Variants in FAM186A observed in about 807,000 individuals in gnomAD.
FAM186A encodes family with sequence similarity 186 member A, also known as protein FAM186A.
A neutral mutation model predicts 216.8 loss-of-function variants in FAM186A; 163 were observed. The ratio of observed to expected loss-of-function variants is 0.75; its 90% CI spans 0.66 to 0.86. The LOEUF is 0.86. FAM186A is among the 40% of genes least tolerant of loss of function. The probability of loss-of-function intolerance (pLI) is 0.00; values close to 1 mark genes in which losing one functional copy is unlikely to be tolerated. For synonymous variants in FAM186A, 805 were observed against 1,025.3 expected, an observed-to-expected ratio of 0.79 and a Z score of 4.10; for missense variants, 2,184 against 2,746.2, an observed-to-expected ratio of 0.80 and a Z score of 4.58.
intron 1 of FAM186A, among the ~76,000 whole-genome samples, chr12:50,385,628 T>G (rs1398807169): frequency 6.6e-6 from 1 of 151,994 alleles, no homozygotes. Flanking sequence ...TTGCCGGGCG[T>G]GGTGGCTCAA....
At chr12:50,357,611 G>A (rs1418657376) in intron 3 of FAM186A, among the ~76,000 whole-genome samples, 1 of 152,046 alleles carries the variant, frequency 6.6e-6, no homozygotes, top group Non-Finnish European at 1.5e-5. Context: ...GGGCAAAACT[G>A]CCAAAACAAC....
rs1298494351 is a variant in FAM186A, at chr12:50,334,058, T to C, written c.6549A>G (p.Lys2183=). 3 of 1,549,542 alleles carry C rather than the reference T, an allele frequency of 1.9e-6. No homozygotes were observed. Among genetic ancestry groups the C allele is most frequent in the African/African-American group, 2.7e-5 (2 of 72,938 alleles). The change falls in exon 5 of 8, where the codon AAA becomes AAG. Residue 2183 remains lysine, a synonymous_variant. Transcript: ENST00000327337. ...TGTGGAGGTTCCTGGCCTCATAGCC[T>C]TTCCCAGTATTTTGGATGGCTTTTA... ...KRLKAIQNTG[K]GYEARNLHMM... is the part of the protein sequence containing the mutation.
chr12:50,379,889 G>A (rs1017982085), intron 1 of FAM186A, among the ~76,000 whole-genome samples: 1 of 152,112 alleles, frequency 6.6e-6, no homozygotes, highest in African/African-American at 2.4e-5. Context: ...ACTCATTTGT[G>A]CAAAATAAAT....
At chr12:50,380,037 C>G (rs991107206) in intron 1 of FAM186A, among the ~76,000 whole-genome samples, 1 of 152,124 alleles carries the variant, frequency 6.6e-6, no homozygotes, top group Non-Finnish European at 1.5e-5. Flanking sequence ...GTAGCTCTGA[C>G]TTTTATCAGC....
Position 50,353,296 on chromosome 12 carries a change from A to G in FAM186A, c.3536T>C (p.Leu1179Pro), listed in dbSNP as rs1384587659. The G allele has an allele frequency of 3.2e-6, 5 of 1,539,412 alleles. No individual in the cohort carries two copies. The highest frequency in any genetic ancestry group is 4.4e-6 in the Non-Finnish European group (5 of 1,142,440). Residue 1179 changes from leucine (L) to proline (P), a missense_variant, in exon 4 of 8, where the codon CTG becomes CCG. This residue lies in a region of FAM186A where 267 missense variants were observed against 446.2 expected (regional missense o/e 0.60). Transcript: ENST00000327337. ...IPLTPQQAQA[L>P]GIPLTPQQAQ... Reference sequence around the variant, plus strand: ...CTGCTGAGGGGTGAGAGGGATCCCCAGGGCCTGGGCCTGCTGAGGGGTAAG... The same window carrying G: ...CTGCTGAGGGGTGAGAGGGATCCCCGGGGCCTGGGCCTGCTGAGGGGTAAG...
At chr12:50,385,003 C>T (rs1174533488) in intron 1 of FAM186A, among the ~76,000 whole-genome samples, 1 of 151,948 alleles carries the variant, frequency 6.6e-6, no homozygotes, top group African/African-American at 2.4e-5. Flanking sequence ...TGGAGTTTCA[C>T]CATGTTGGCT....
In FAM186A at chr12:50,333,908, T is replaced by C; in HGVS notation, c.6696+3A>G. 3.2e-6 allele frequency: 5 copies of C among 1,549,854 alleles called. No homozygotes were observed. Among genetic ancestry groups the C allele is most frequent in the Non-Finnish European group, 4.4e-6 (5 of 1,146,404 alleles). Reference sequence around the variant, plus strand: ...TGGACAGAGGGAGTGGAAAGCAGGTTACCTGGTTGAATACGTGTATCATTT... The same window carrying C: ...TGGACAGAGGGAGTGGAAAGCAGGTCACCTGGTTGAATACGTGTATCATTT... On this transcript the variant is annotated splice_donor_region_variant and intron_variant, in intron 5 of 7. Coordinates refer to ENST00000327337, the MANE Select transcript of FAM186A (RefSeq NM_001145475.3).
chr12:50,347,880 A>G (rs1447019704), intron 4 of FAM186A, among the ~76,000 whole-genome samples: 2 of 151,694 alleles, frequency 1.3e-5, no homozygotes, highest in African/African-American at 4.8e-5. Flanking sequence ...ATAATCTGCC[A>G]TCTCCCTTTG....
chr12:50,378,016 G>A (rs768126790), intron 1 of FAM186A, among the ~76,000 whole-genome samples: 2 of 151,480 alleles, frequency 1.3e-5, no homozygotes, highest in Non-Finnish European at 1.5e-5. Context: ...ACCTGAGGTC[G>A]GGAATTTGAG....
rs374021225 is a variant in FAM186A at position 50,350,357 on chromosome 12, T to C, written c.6475A>G (p.Ile2159Val). The C allele has an allele frequency of 3.4e-5, 52 of 1,550,076 alleles. No individual in the cohort carries two copies. In the African/African-American group the frequency reaches 6.7e-4, roughly 20 times the overall value. Residue 2159 changes from isoleucine (I) to valine (V), a missense_variant, in exon 4 of 8, where the codon ATT (isoleucine) becomes GTT (valine). Physicochemically the swap from Ile to Val is conservative, Grantham distance 29. Around this residue, in one of 7 missense-constraint regions of FAM186A, gnomAD observed 721 missense variants for 816.4 expected, o/e 0.88. Coordinates refer to ENST00000327337, the MANE Select transcript of FAM186A (RefSeq NM_001145475.3). Reference protein sequence around the residue: ...VQLGYLFRKYIAYRLIQHARN... With the variant: ...VQLGYLFRKYVAYRLIQHARN... ...GCATGCTGGATCAGCCTATAGGCAATGTACTTGCGGAATAAGTATCCCAAC... is the reference window on the plus strand; with the variant it reads ...GCATGCTGGATCAGCCTATAGGCAACGTACTTGCGGAATAAGTATCCCAAC...
rs1434660431 is a variant in FAM186A, at chr12:50,354,999, A to T, written c.1833T>A (p.His611Gln). The change falls in exon 4 of 8, where the codon CAT becomes CAA. Residue 611 changes from histidine (H) to glutamine (Q), a missense_variant. Around this residue, in one of 7 missense-constraint regions of FAM186A, gnomAD observed 1,132 missense variants for 1,263.4 expected, o/e 0.90. Transcript: ENST00000327337. ...TGCTTGTGATAGTTCCTGAAGAGAT[A>T]TGGTGTTTCTTTCCTTTTATTTTTC... The part of the protein sequence containing the change: ...QKGKIKGKKH[H>Q]ISSGTITSKE... 1 of 1,551,460 alleles carries T rather than the reference A, an allele frequency of 6.4e-7. No individual in the cohort carries two copies. Among genetic ancestry groups the T allele is most frequent in the Admixed American group, 2.0e-5 (1 of 50,974 alleles).
intron 1 of FAM186A, among the ~76,000 whole-genome samples, chr12:50,367,689 GCACA>G (rs35526902): frequency 0.31 from 46,980 of 151,104 alleles, 7,552 homozygotes; most frequent in South Asian, 0.48. Context: ...GCATGTGCGT[GCACA>G]CACACACACA....
intron 1 of FAM186A, among the ~76,000 whole-genome samples, chr12:50,383,518 C>G (rs955140569): frequency 6.6e-6 from 1 of 151,968 alleles, no homozygotes; most frequent in African/African-American, 2.4e-5. Flanking sequence ...ATCACTAGAA[C>G]CCGGGAGGCA....
At chr12:50,382,758 T>G (rs1943264900) in intron 1 of FAM186A, among the ~76,000 whole-genome samples, 1 of 151,966 alleles carries the variant, frequency 6.6e-6, no homozygotes, top group African/African-American at 2.4e-5. Flanking sequence ...TTTAATAAAA[T>G]TTGTAGGGTT....
intron 2 of FAM186A, among the ~76,000 whole-genome samples, chr12:50,362,808 G>T (rs1943049295): frequency 6.6e-6 from 1 of 151,676 alleles, no homozygotes; most frequent in South Asian, 2.1e-4. Flanking sequence ...AGGGAATGGG[G>T]ATGGTCAGAG....
chr12:50,329,524 T>C (rs1424934381), intron 7 of FAM186A, among the ~76,000 whole-genome samples: 1 of 152,142 alleles, frequency 6.6e-6, no homozygotes, highest in East Asian at 1.9e-4. Context: ...TTCTTAATAT[T>C]TTCCTGTATT....
chr12:50,375,549 C>CAAA (rs35534756), intron 1 of FAM186A, among the ~76,000 whole-genome samples: 1 of 90,846 alleles, frequency 1.1e-5, no homozygotes, highest in Non-Finnish European at 2.3e-5. Flanking sequence ...AGCTCTGTCT[C>CAAA]AAAAAAAAAA....
intron 1 of FAM186A, among the ~76,000 whole-genome samples, chr12:50,395,151 T>G (rs117247841): frequency 6.6e-6 from 1 of 152,256 alleles, no homozygotes; most frequent in Non-Finnish European, 1.5e-5. Flanking sequence ...CTGAGTGGGG[T>G]GCAGTAGTGC....
intron 3 of FAM186A, 26 bp downstream of exon 3, chr12:50,360,730 A>G (rs2136096634): frequency 2.0e-6 from 3 of 1,494,650 alleles, no homozygotes; most frequent in Non-Finnish European, 2.7e-6. Flanking sequence ...ATCTACTCCA[A>G]CTCCAAAATC....
Sources: allele counts gnomAD v4.1 joint callset (sites outside exome capture counted in the v4.1 genomes callset), GRCh38; gene constraint gnomAD v4.1.1; regional missense constraint gnomAD v4.1.1; transcripts MANE v1.5; gene names NCBI Gene and HGNC (gene_info 2026-07-23, HGNC 2026-07-21).